The following SEC24C variants were observed in gnomAD, a reference collection of about 807,000 sequenced individuals.
The protein encoded by SEC24C is SEC24 homolog C, COPII component, also known as protein transport protein Sec24C.
SEC24C carries 22 observed loss-of-function variants against 117.0 expected under a neutral mutation model. That is an observed-to-expected ratio of 0.19 (90% CI 0.13 to 0.27). The LOEUF (loss-of-function observed/expected upper bound fraction) is 0.27. SEC24C is among the 10% of genes least tolerant of loss of function. The pLI is 1.00. For synonymous variants in SEC24C, 506 were observed against 529.4 expected, an observed-to-expected ratio of 0.96 and a Z score of 0.61; for missense variants, 1,155 against 1,375.1, an observed-to-expected ratio of 0.84 and a Z score of 2.53.
At chr10:73,750,767 T>C (rs2082631499) in intron 2 of SEC24C, among the ~76,000 whole-genome samples, 1 of 152,222 alleles carries the variant, frequency 6.6e-6, no homozygotes, top group African/African-American at 2.4e-5. Context: ...GTAAGATCTT[T>C]TCCTTAAAAG....
At position 73,767,056 on chromosome 10, in the gene SEC24C, T is replaced by C; in HGVS notation, c.1896T>C (p.Ala632=). 6.2e-7 allele frequency: 1 copy of C among 1,611,362 alleles called. No individual in the cohort carries two copies. Residue 632 remains alanine (A), a splice_region_variant and synonymous_variant, in exon 14 of 23, where the codon GCT becomes GCC. Coordinates refer to ENST00000345254, the MANE Select transcript of SEC24C (RefSeq NM_198597.3). ...AGTAGTCCTCTCTTTTTTCCTAGGCTGCTGAGTGTGCAGGGAAGCTCTTTC... is the reference window on the plus strand; with the variant it reads ...AGTAGTCCTCTCTTTTTTCCTAGGCCGCTGAGTGTGCAGGGAAGCTCTTTC... ...VIQAGMEALK[A]AECAGKLFLF... is the part of the protein sequence containing the mutation.
At chr10:73,758,446 A>G (rs2082745823) in intron 3 of SEC24C, among the ~76,000 whole-genome samples, 1 of 152,224 alleles carries the variant, frequency 6.6e-6, no homozygotes, top group African/African-American at 2.4e-5. Flanking sequence ...ATTGACAGAT[A>G]TGTGCTGTCA....
intron 3 of SEC24C, among the ~76,000 whole-genome samples, chr10:73,755,140 CA>C (rs981380004): frequency 1.4e-5 from 2 of 143,458 alleles, no homozygotes; most frequent in Non-Finnish European, 3.1e-5. Context: ...CTCAAACAAA[CA>C]AAAAAAAAAC....
intron 1 of SEC24C, among the ~76,000 whole-genome samples, chr10:73,745,874 G>A (rs1230550148): frequency 6.6e-6 from 1 of 151,846 alleles, no homozygotes; most frequent in African/African-American, 2.4e-5. Context: ...TTAATGCTTC[G>A]GTTTTGGCCG....
At chr10:73,750,817 T>G (rs1397919199) in intron 2 of SEC24C, among the ~76,000 whole-genome samples, 1 of 152,196 alleles carries the variant, frequency 6.6e-6, no homozygotes, top group African/African-American at 2.4e-5. Context: ...CAGGCAGTCT[T>G]GGATTGACTG....
At position 73,771,953 on chromosome 10, in the gene SEC24C, C is replaced by T. The variant is rs565271994; in HGVS notation, c.*858C>T. 5.2e-6 allele frequency: 1 copy of T among 193,782 alleles called. No individual in the cohort carries two copies. The highest frequency in any genetic ancestry group is 1.0e-5 in the Non-Finnish European group (1 of 95,726). 12.0% of individuals were successfully genotyped at this position (193,782 alleles called of 1,614,324 possible). A position where few individuals can be genotyped will look rare whatever the true frequency, so the allele number is the denominator to read the frequency against. Reference sequence around the variant, plus strand: ...GCGCCGTTCTCTCCTGCTGGGACACCGCTTGGGCTTTGGTATTGACTGAGT... The same window carrying T: ...GCGCCGTTCTCTCCTGCTGGGACACTGCTTGGGCTTTGGTATTGACTGAGT... On this transcript the variant is annotated 3_prime_UTR_variant, in exon 23 of 23. Transcript: ENST00000345254.
At chr10:73,764,050 C>G (rs1366800755) in intron 8 of SEC24C, 67 bp downstream of exon 8, 2 of 1,495,354 alleles carry the variant, frequency 1.3e-6, no homozygotes, top group Non-Finnish European at 1.8e-6. Flanking sequence ...AAAGCGTCTT[C>G]CTGGATGTGA....
Position 73,746,951 on chromosome 10 carries a change from C to T in SEC24C, c.119C>T (p.Pro40Leu). ...GQSGSTAPAI[P>L]YGAYNGPVPG... ...TCAGGGTCCACAGCCCCCGCCATTC[C>T]CTATGGAGCCTACAATGGCCCAGTA... The change falls in exon 2 of 23, where the codon CCC becomes CTC. Residue 40 changes from proline to leucine, a missense_variant. Physicochemically the swap from Pro to Leu is moderately conservative, Grantham distance 98 (BLOSUM62 -3). Transcript: ENST00000345254. The T allele has an allele frequency of 6.2e-7, 1 of 1,614,052 alleles. No individual in the cohort carries two copies. The highest frequency in any genetic ancestry group is 8.5e-7 in the Non-Finnish European group (1 of 1,179,954).
intron 14 of SEC24C, among the ~76,000 whole-genome samples, chr10:73,767,389 C>A (rs1043153530): frequency 6.6e-6 from 1 of 152,158 alleles, no homozygotes; most frequent in Non-Finnish European, 1.5e-5. Flanking sequence ...GAACTTTTGG[C>A]CGGGCATGAT....
Position 73,769,992 on chromosome 10 carries a change from T to C in SEC24C, c.2839T>C (p.Phe947Leu). ...GGATGTGACTGAGACCAATGTCTTC[T>C]TCTACCCTCGGCTCTTACCTTTGGT... ...SMDVTETNVF[F>L]YPRLLPLTKS... Residue 947 changes from phenylalanine (F) to leucine (L), a missense_variant, in exon 20 of 23, where the codon TTC (phenylalanine) becomes CTC (leucine). By Grantham distance (22) the Phe-to-Leu change is conservative. This residue lies in a region of SEC24C where 759 missense variants were observed against 992.3 expected (regional missense o/e 0.76). Coordinates refer to ENST00000345254, the MANE Select transcript of SEC24C (RefSeq NM_198597.3). The surrounding 1 kb of genome is among the most constrained non-coding windows in gnomAD (Gnocchi z 4.5). 1 of 1,614,180 alleles carries C rather than the reference T, an allele frequency of 6.2e-7. No homozygotes were observed. Among genetic ancestry groups the C allele is most frequent in the South Asian group, 1.1e-5 (1 of 91,078 alleles).
At chr10:73,748,035 T>G (rs2082585129) in intron 2 of SEC24C, among the ~76,000 whole-genome samples, 1 of 152,166 alleles carries the variant, frequency 6.6e-6, no homozygotes, top group African/African-American at 2.4e-5. Flanking sequence ...CCTCAAATGA[T>G]CCACCAGCCT....
rs989977596 is a variant in SEC24C, at chr10:73,771,224, A to G, written c.*129A>G. The G allele has an allele frequency of 8.2e-5, 88 of 1,070,666 alleles. No homozygotes were observed. Among genetic ancestry groups the G allele is most frequent in the Non-Finnish European group, 1.1e-4 (83 of 742,830 alleles). The allele number at this position is 1,070,666 out of a possible 1,614,324, so 66.3% of individuals were successfully genotyped here. On this transcript the variant is annotated 3_prime_UTR_variant, in exon 23 of 23. Coordinates refer to ENST00000345254, the MANE Select transcript of SEC24C (RefSeq NM_198597.3). ...TCTCTCTGGGGGGAGGGGGAGATAT[A>G]AGGAGACACCTTCTTTCTGGGCTCA...
chr10:73,755,046 T>C (rs2082690677), intron 3 of SEC24C, among the ~76,000 whole-genome samples: 1 of 151,862 alleles, frequency 6.6e-6, no homozygotes, highest in Non-Finnish European at 1.5e-5. Flanking sequence ...GGTGGGAGGA[T>C]GGCTTGAAAC....
intron 8 of SEC24C, 137 bp from the exon 9 acceptor site, chr10:73,765,314 T>G: frequency 2.3e-6 from 2 of 872,668 alleles, no homozygotes; most frequent in Non-Finnish European, 3.6e-6. Context: ...CTCCCTTTCA[T>G]CATTGTGCTC....
intron 3 of SEC24C, among the ~76,000 whole-genome samples, chr10:73,757,617 A>G (rs1242756439): frequency 6.6e-6 from 1 of 151,572 alleles, no homozygotes. Context: ...GCTGGAAGGG[A>G]TTATCGGAGA....
intron 8 of SEC24C, 112 bp from the exon 9 acceptor site, chr10:73,765,339 A>G: frequency 8.4e-7 from 1 of 1,196,314 alleles, no homozygotes; most frequent in Non-Finnish European, 1.2e-6. Flanking sequence ...CTCCCTCTGC[A>G]GACAGAATAT....
intron 13 of SEC24C, 70 bp downstream of exon 13, chr10:73,766,923 A>G: frequency 6.8e-7 from 1 of 1,464,682 alleles, no homozygotes; most frequent in Non-Finnish European, 9.6e-7. Flanking sequence ...CCTGGGATAC[A>G]ACCTCTCTTT....
At chr10:73,746,768 A>C in intron 1 of SEC24C, 37 bp from the exon 2 acceptor site, 2 of 1,468,016 alleles carry the variant, frequency 1.4e-6, no homozygotes, top group Non-Finnish European at 1.9e-6. Context: ...CTCTCTTTAG[A>C]AAGTTCATTT....
At chr10:73,752,663 A>T (rs1417574952) in intron 3 of SEC24C, among the ~76,000 whole-genome samples, 3 of 152,004 alleles carry the variant, frequency 2.0e-5, no homozygotes, top group African/African-American at 7.3e-5. Context: ...AGCTGTTTTA[A>T]ATACATTGGT....
Sources: gnomAD v4.1 joint callset for allele counts (sites outside exome capture counted in the v4.1 genomes callset) on GRCh38, gnomAD v4.1.1 for gene constraint, gnomAD v4.1.1 regional missense constraint, Gnocchi (gnomAD v3.1) non-coding constraint, MANE v1.5 for transcripts, NCBI Gene and HGNC (gene_info 2026-07-23, HGNC 2026-07-21) for gene names.